Variants in FKTN observed in about 807,000 individuals in gnomAD.
FKTN encodes the protein ribitol-5-phosphate transferase FKTN.
In FKTN, 47 loss-of-function variants were observed where a neutral mutation model predicts 58.6. That is an observed-to-expected ratio of 0.80 (90% CI 0.63 to 1.02). The LOEUF (loss-of-function observed/expected upper bound fraction) is 1.02, where lower values mean the gene tolerates loss of function less well. Ranked by LOEUF, FKTN falls within the 50% of genes least tolerant of loss-of-function variation. FKTN has a pLI of 0.00. For synonymous variants in FKTN, 178 were observed against 191.9 expected, an observed-to-expected ratio of 0.93 and a Z score of 0.60; for missense variants, 516 against 537.3, an observed-to-expected ratio of 0.96 and a Z score of 0.39.
intron 3 of FKTN, among the ~76,000 whole-genome samples, chr9:105,596,200 A>G (rs940747506): frequency 6.6e-6 from 1 of 152,236 alleles, no homozygotes; most frequent in Admixed American, 6.5e-5. Flanking sequence ...AAACATTAGT[A>G]TACTTTATCA....
chr9:105,620,861 A>G (rs1831801738), intron 10 of FKTN, among the ~76,000 whole-genome samples: 1 of 151,950 alleles, frequency 6.6e-6, no homozygotes, highest in African/African-American at 2.4e-5. Context: ...TGAGAAATTT[A>G]CAGATTAGAG....
chr9:105,577,504 C>T (rs1367508511), intron 3 of FKTN, among the ~76,000 whole-genome samples: 1 of 145,256 alleles, frequency 6.9e-6, no homozygotes, highest in African/African-American at 2.7e-5. Flanking sequence ...TTTCTGAGGG[C>T]TCTGTTCTGT....
chr9:105,582,298 C>G (rs1843132404), intron 3 of FKTN, among the ~76,000 whole-genome samples: 1 of 152,124 alleles, frequency 6.6e-6, no homozygotes, highest in Admixed American at 6.5e-5. Flanking sequence ...TCAAGCAGTA[C>G]TCCTGCCTCA....
intron 10 of FKTN, among the ~76,000 whole-genome samples, chr9:105,630,719 TA>T (rs1833312497): frequency 6.6e-6 from 1 of 152,180 alleles, no homozygotes; most frequent in Non-Finnish European, 1.5e-5. Flanking sequence ...TTCTCTGTAT[TA>T]AAGGATTAAA....
At chr9:105,567,273 G>T (rs1458747317) in intron 1 of FKTN, among the ~76,000 whole-genome samples, 1 of 152,094 alleles carries the variant, frequency 6.6e-6, no homozygotes, top group Non-Finnish European at 1.5e-5. Context: ...CTCCTATTCA[G>T]CATGGTGTTG....
At chr9:105,581,483 G>T (rs1466341248) in intron 3 of FKTN, among the ~76,000 whole-genome samples, 1 of 150,688 alleles carries the variant, frequency 6.6e-6, no homozygotes, top group Non-Finnish European at 1.5e-5. Flanking sequence ...CTGCTCGGGG[G>T]TCAGGGGTCA....
At chr9:105,574,799 T>C in intron 2 of FKTN, 146 bp from the exon 3 acceptor site, 1 of 433,586 alleles carries the variant, frequency 2.3e-6, no homozygotes, top group South Asian at 3.4e-5. Flanking sequence ...ATTGGTCTCA[T>C]ATTTGATTAT....
intron 7 of FKTN, among the ~76,000 whole-genome samples, chr9:105,613,702 G>C (rs1438187432): frequency 6.6e-6 from 1 of 152,126 alleles, no homozygotes; most frequent in Non-Finnish European, 1.5e-5. Flanking sequence ...TTGATGATTA[G>C]GAATAAATAT....
Position 105,636,379 on chromosome 9 carries a change from A to ATGGTGGACT in FKTN, c.*1118_*1126dup. ...ATCAGATCTCCAAAATGGAAGCTAA[A>ATGGTGGACT]TGGTGGACTTGACAACTATTCACCC... On this transcript the variant is annotated 3_prime_UTR_variant, in exon 11 of 11. Coordinates refer to ENST00000357998, the MANE Select transcript of FKTN (RefSeq NM_001079802.2). 1.0e-6 allele frequency: 1 copy of ATGGTGGACT among 985,842 alleles called. No individual in the cohort carries two copies. Among genetic ancestry groups the ATGGTGGACT allele is most frequent in the African/African-American group, 1.7e-5 (1 of 57,358 alleles). 61.1% of individuals were successfully genotyped at this position (985,842 alleles called of 1,614,324 possible).
In FKTN at chr9:105,636,484, C is replaced by G; in HGVS notation, c.*1220C>G. On this transcript the variant is annotated 3_prime_UTR_variant, in exon 11 of 11. Coordinates refer to ENST00000357998, the MANE Select transcript of FKTN (RefSeq NM_001079802.2). ...GTTGAATGTCGATGGGGCAAGAACTCAGACTTCTACTTTACCAAGTACCAC... is the reference window on the plus strand; with the variant it reads ...GTTGAATGTCGATGGGGCAAGAACTGAGACTTCTACTTTACCAAGTACCAC... The G allele has an allele frequency of 1.0e-6, 1 of 1,000,350 alleles. No individual in the cohort carries two copies. The highest frequency in any genetic ancestry group is 1.2e-6 in the Non-Finnish European group (1 of 837,334). 62.0% of individuals were successfully genotyped at this position (1,000,350 alleles called of 1,614,324 possible).
At chr9:105,563,226 G>A (rs555087217) in intron 1 of FKTN, among the ~76,000 whole-genome samples, 18 of 152,314 alleles carry the variant, frequency 1.2e-4, no homozygotes, top group African/African-American at 3.4e-4. Flanking sequence ...CAGCGTGAGC[G>A]ACGCAGAAGA....
At position 105,635,128 on chromosome 9, in the gene FKTN, A is replaced by T. The variant is rs543684877; in HGVS notation, c.1250A>T (p.Glu417Val). 16 of 1,614,144 alleles carry T rather than the reference A, an allele frequency of 9.9e-6. No individual in the cohort carries two copies. The highest frequency in any genetic ancestry group is 9.3e-5 in the African/African-American group (7 of 75,048). The change falls in exon 11 of 11, where the codon GAA (glutamate) becomes GTA (valine). Residue 417 changes from glutamate (E) to valine (V), a missense_variant. Physicochemically the swap from Glu to Val is moderately radical, Grantham distance 121. Transcript: ENST00000357998. Reference sequence around the variant, plus strand: ...GTCCATGTACCCTGTGAAACCCTCGAATACATTGAAGCCAACTATGGTAAG... The same window carrying T: ...GTCCATGTACCCTGTGAAACCCTCGTATACATTGAAGCCAACTATGGTAAG... ...MKVHVPCETL[E>V]YIEANYGKTW...
rs193206252 is a variant in FKTN at position 105,575,027 on chromosome 9, A to G, written c.-6A>G. 1 of 1,495,716 alleles carries G rather than the reference A, an allele frequency of 6.7e-7. No individual in the cohort carries two copies. The allele number at this position is 1,495,716 out of a possible 1,614,324, so 92.7% of individuals were successfully genotyped here. ...CAAAAGACAACCAAGTGAGCAGCAC[A>G]GACTAATGAGTAGAATCAATAAGAA... On this transcript the variant is annotated 5_prime_UTR_variant, in exon 3 of 11. Transcript: ENST00000357998.
At chr9:105,577,723 G>C (rs1168158520) in intron 3 of FKTN, among the ~76,000 whole-genome samples, 1 of 151,188 alleles carries the variant, frequency 6.6e-6, no homozygotes, top group East Asian at 1.9e-4. Flanking sequence ...TTGGTAGCTT[G>C]ATGGGGATGG....
intron 3 of FKTN, among the ~76,000 whole-genome samples, chr9:105,592,184 C>T (rs947665122): frequency 1.3e-5 from 2 of 152,228 alleles, no homozygotes; most frequent in East Asian, 1.9e-4. Flanking sequence ...TGAAAATAGA[C>T]TTTTCTTTTC....
At chr9:105,614,849 T>C (rs1012425800) in intron 7 of FKTN, among the ~76,000 whole-genome samples, 8 of 151,950 alleles carry the variant, frequency 5.3e-5, no homozygotes, top group African/African-American at 1.9e-4. Flanking sequence ...AAAAAGATTA[T>C]ATGGGGTTAG....
chr9:105,622,138 A>G (rs542295070), intron 10 of FKTN, among the ~76,000 whole-genome samples: 33 of 152,214 alleles, frequency 2.2e-4, no homozygotes, highest in Admixed American at 1.2e-3. Flanking sequence ...CTTATCAATT[A>G]CTTGTAATCA....
In FKTN at chr9:105,577,794, C is replaced by T. The variant is rs1177123520; in HGVS notation, c.105+2657C>T. On this transcript the variant is annotated intron_variant, in intron 3 of 10. Transcript: ENST00000357998. ...ATTTTCACAATATTGATTCTTCCTA[C>T]CCATGAGCATGGAATGTTCTTCCAT... is the stretch of plus-strand genomic sequence containing the variant. 1.1e-3 allele frequency among the ~76,000 whole-genome samples: 168 copies of T among 150,164 alleles called. 2 individuals carry two copies. Among genetic ancestry groups the T allele is most frequent in the African/African-American group, 4.0e-3 (160 of 40,234 alleles).
intron 3 of FKTN, among the ~76,000 whole-genome samples, chr9:105,579,902 T>G (rs1564229454): frequency 6.6e-6 from 1 of 151,948 alleles, no homozygotes; most frequent in Admixed American, 6.6e-5. Flanking sequence ...GTTGAATTGA[T>G]CCCTTTACCA....
Sources: allele counts gnomAD v4.1 joint callset (sites outside exome capture counted in the v4.1 genomes callset), GRCh38; gene constraint gnomAD v4.1.1; transcripts MANE v1.5; gene names NCBI Gene and HGNC (gene_info 2026-07-23, HGNC 2026-07-21).